The following BANP variants were observed in gnomAD, a reference collection of about 807,000 sequenced individuals.
BANP encodes BTG3 associated nuclear protein.
Under a neutral mutation model 68.1 loss-of-function variants are expected in BANP, and 11 were observed. That is an observed-to-expected ratio of 0.16 (90% CI 0.10 to 0.27). BANP has a LOEUF of 0.27. Among genes scored for constraint, BANP ranks in the 10% least tolerant of loss-of-function variants. The pLI is 1.00. For missense variants in BANP, 504 were observed against 722.7 expected, an observed-to-expected ratio of 0.70 and a Z score of 3.47; for synonymous variants, 329 against 303.2, an observed-to-expected ratio of 1.09 and a Z score of -0.88.
chr16:88,043,735 A>G (rs1198996630), intron 11 of BANP, among the ~76,000 whole-genome samples: 1 of 152,212 alleles, frequency 6.6e-6, no homozygotes, highest in African/African-American at 2.4e-5. Context: ...CTGGTGTGCC[A>G]GAGATTCATA....
At chr16:88,008,733 AG>A (rs2072057110) in intron 6 of BANP, among the ~76,000 whole-genome samples, 1 of 152,204 alleles carries the variant, frequency 6.6e-6, no homozygotes, top group Non-Finnish European at 1.5e-5. Flanking sequence ...CTTTGAGCAG[AG>A]TTTTATAGCC....
rs947891457 is a variant in BANP, at chr16:88,044,582, G to A, written c.1311+6571G>A. On this transcript the variant is annotated intron_variant, in intron 11 of 13. Coordinates refer to ENST00000682872, the MANE Select transcript of BANP (RefSeq NM_001386991.1). ...TTGAAAAATACTGGAATAGATGATCGCTAATGTCTCTTTCTTAAGAGTTTG... is the reference window on the plus strand; with the variant it reads ...TTGAAAAATACTGGAATAGATGATCACTAATGTCTCTTTCTTAAGAGTTTG... Among the ~76,000 whole-genome samples the A allele has an allele frequency of 4.6e-5, 7 of 152,294 alleles. No individual in the cohort carries two copies. The South Asian group carries it at 6.2e-4, about 14-fold the overall frequency.
intron 7 of BANP, among the ~76,000 whole-genome samples, chr16:88,025,244 C>T (rs951691527): frequency 2.0e-5 from 3 of 152,138 alleles, no homozygotes; most frequent in African/African-American, 7.2e-5. Flanking sequence ...TTTCCGGTAA[C>T]TATGGTGCAA....
At chr16:88,051,438 G>A (rs985019529) in intron 11 of BANP, among the ~76,000 whole-genome samples, 4 of 152,232 alleles carry the variant, frequency 2.6e-5, no homozygotes, top group Admixed American at 1.3e-4. Flanking sequence ...AAAGTATGGG[G>A]TTTGCGGGAG....
At chr16:88,066,734 T>C (rs187016630) in intron 12 of BANP, among the ~76,000 whole-genome samples, 3 of 152,116 alleles carry the variant, frequency 2.0e-5, no homozygotes, top group Non-Finnish European at 4.4e-5. Context: ...TTTGTTCAGT[T>C]TTTTTTTCCC....
At chr16:88,013,240 G>C in intron 6 of BANP, among the ~76,000 whole-genome samples, 1 of 152,212 alleles carries the variant, frequency 6.6e-6, no homozygotes, top group East Asian at 1.9e-4. Flanking sequence ...CGCCTCTCCC[G>C]TGAGATGGAT....
chr16:87,963,651 A>G (rs1004968755), intron 1 of BANP, among the ~76,000 whole-genome samples: 13 of 152,232 alleles, frequency 8.5e-5, no homozygotes, highest in South Asian at 8.3e-4. Context: ...CTGCCCTAAA[A>G]ATACTGACGG....
At chr16:88,070,391 C>G (rs1252942873) in intron 12 of BANP, among the ~76,000 whole-genome samples, 2 of 152,174 alleles carry the variant, frequency 1.3e-5, no homozygotes, top group Admixed American at 6.5e-5. Context: ...AAAGAAACCC[C>G]AGAGTCCAGC....
chr16:88,069,426 G>A (rs772291419), intron 12 of BANP, among the ~76,000 whole-genome samples: 2 of 152,178 alleles, frequency 1.3e-5, no homozygotes, highest in Non-Finnish European at 2.9e-5. Context: ...AGAGGCCTAC[G>A]CCCGAGCCCT....
chr16:88,014,002 C>G (rs561162899), intron 6 of BANP, among the ~76,000 whole-genome samples: 1 of 152,208 alleles, frequency 6.6e-6, no homozygotes, highest in African/African-American at 2.4e-5. Context: ...GCCGCAAACA[C>G]AGGCCAGCAC....
rs1256169560 is a variant in BANP at position 88,064,239 on chromosome 16, G to A, written c.1312-1028G>A. Reference sequence around the variant, plus strand: ...GAGAGTGGACAGCGAGGCGGTGGATGTTGAGGCAGTTGTGCGTCCACGGCG... The same window carrying A: ...GAGAGTGGACAGCGAGGCGGTGGATATTGAGGCAGTTGTGCGTCCACGGCG... On this transcript the variant is annotated intron_variant, in intron 11 of 13. Transcript: ENST00000682872. The surrounding 1 kb of genome is among the most constrained non-coding windows in gnomAD (Gnocchi z 4.5). 6.6e-6 allele frequency among the ~76,000 whole-genome samples: 1 copy of A among 152,156 alleles called. No individual in the cohort carries two copies. The highest frequency in any genetic ancestry group is 1.5e-5 in the Non-Finnish European group (1 of 68,008).
At chr16:88,070,595 G>C (rs1042983542) in intron 12 of BANP, among the ~76,000 whole-genome samples, 4 of 152,138 alleles carry the variant, frequency 2.6e-5, no homozygotes, top group Non-Finnish European at 4.4e-5. Flanking sequence ...AAGGACCAGG[G>C]GGGATGGGTT....
intron 11 of BANP, among the ~76,000 whole-genome samples, chr16:88,049,372 A>G (rs889436312): frequency 6.6e-6 from 1 of 152,044 alleles, no homozygotes; most frequent in Non-Finnish European, 1.5e-5. Flanking sequence ...GGTACGGGGG[A>G]AGGGGCACAG....
intron 7 of BANP, among the ~76,000 whole-genome samples, chr16:88,021,422 T>G (rs7404988): frequency 0.59 from 89,922 of 151,946 alleles, 29,840 homozygotes; most frequent in Non-Finnish European, 0.77. Context: ...AAGGTCATGG[T>G]GTGGCTGACC....
upstream of BANP, among the ~76,000 whole-genome samples, chr16:87,950,140 G>A (rs550765426): frequency 1.3e-5 from 2 of 152,292 alleles, no homozygotes; most frequent in South Asian, 2.1e-4. Flanking sequence ...GCCTCCCAAA[G>A]TGCTGGGATT....
intron 1 of BANP, among the ~76,000 whole-genome samples, chr16:87,967,814 C>T (rs996306977): frequency 2.0e-5 from 3 of 151,790 alleles, no homozygotes; most frequent in Admixed American, 1.3e-4. Context: ...GTAGAGACGG[C>T]GTTTCACCAT....
intron 11 of BANP, among the ~76,000 whole-genome samples, chr16:88,056,238 T>A (rs2084978214): frequency 6.6e-6 from 1 of 152,260 alleles, no homozygotes; most frequent in South Asian, 2.1e-4. Context: ...GACTCTCTGC[T>A]TCTTTGCTTC....
At chr16:88,053,580 C>T (rs1471408845) in intron 11 of BANP, among the ~76,000 whole-genome samples, 13 of 147,984 alleles carry the variant, frequency 8.8e-5, no homozygotes, top group Non-Finnish European at 1.8e-4. Context: ...TCTCCATCAT[C>T]ATCATCATCA....
intron 13 of BANP, among the ~76,000 whole-genome samples, chr16:88,075,314 C>G (rs750736280): frequency 6.6e-6 from 1 of 152,148 alleles, no homozygotes; most frequent in Admixed American, 6.5e-5. Flanking sequence ...CCACTGTGCT[C>G]CAGCCTAGGT....
Sources: gnomAD v4.1 joint callset for allele counts (sites outside exome capture counted in the v4.1 genomes callset) on GRCh38, gnomAD v4.1.1 for gene constraint, Gnocchi (gnomAD v3.1) non-coding constraint, MANE v1.5 for transcripts, NCBI Gene and HGNC (gene_info 2026-07-23, HGNC 2026-07-21) for gene names.